Variants in FGF9 observed in about 807,000 individuals in gnomAD.
FGF9 encodes fibroblast growth factor 9 (glia-activating factor).
Under a neutral mutation model 19.9 loss-of-function variants are expected in FGF9, and 3 were observed. The observed-to-expected ratio is 0.15, with a 90% CI of 0.07 to 0.39. The LOEUF (loss-of-function observed/expected upper bound fraction) is 0.39, where lower values mean the gene tolerates loss of function less well. Ranked by LOEUF, FGF9 falls within the 10% of genes least tolerant of loss-of-function variation. FGF9 has a pLI of 1.00. For synonymous variants in FGF9, 107 were observed against 106.9 expected (o/e 1.00, Z -0.01); for missense variants, 175 against 256.8 (o/e 0.68, Z 2.18).
At chr13:21,679,135 T>C (rs140119371) in intron 1 of FGF9, among the ~76,000 whole-genome samples, 75 of 152,354 alleles carry the variant, frequency 4.9e-4, no homozygotes, top group Admixed American at 1.4e-3. Context: ...TTCTCCATCA[T>C]AGAGTCATAG....
chr13:21,700,232 G>T (rs559214749), intron 2 of FGF9, among the ~76,000 whole-genome samples: 2 of 152,178 alleles, frequency 1.3e-5, no homozygotes, highest in East Asian at 1.9e-4. Flanking sequence ...ACCTGAGAAT[G>T]TAGCTTTTTT....
intron 1 of FGF9, among the ~76,000 whole-genome samples, chr13:21,677,791 G>A (rs1871950262): frequency 6.6e-6 from 1 of 152,200 alleles, no homozygotes; most frequent in Non-Finnish European, 1.5e-5. Context: ...AAGGAACTGC[G>A]GAGAAATGGG....
intron 2 of FGF9, among the ~76,000 whole-genome samples, chr13:21,700,787 G>A (rs999753869): frequency 6.6e-6 from 1 of 152,190 alleles, no homozygotes; most frequent in Non-Finnish European, 1.5e-5. Flanking sequence ...ATGTGCAAGA[G>A]TTTAACTAGA....
chr13:21,688,488 C>T lies in FGF9; in HGVS notation c.381+7343C>T, dbSNP rs560623893. Among the ~76,000 whole-genome samples, 10 of 152,302 alleles carry T rather than the reference C, an allele frequency of 6.6e-5. No individual in the cohort carries two copies. The South Asian group carries it at 2.1e-3, about 32-fold the overall frequency. On this transcript the variant is annotated intron_variant, in intron 2 of 2. Transcript: ENST00000382353. ...CTTCTGCTGTATGACTGAGTCCATA[C>T]ATCGTCCTGGTTTTAGAGACGAGGA...
chr13:21,701,212 T>C lies in FGF9; in HGVS notation c.404T>C (p.Val135Ala). The C allele has an allele frequency of 1.2e-6, 2 of 1,613,792 alleles. No homozygotes were observed. The highest frequency in any genetic ancestry group is 1.7e-6 in the Non-Finnish European group (2 of 1,179,824). Residue 135 changes from valine to alanine, a missense_variant, in exon 3 of 3, where the codon GTA becomes GCA. Coordinates refer to ENST00000382353, the MANE Select transcript of FGF9 (RefSeq NM_002010.3). ...CAGGAAAAACTAACCCAAGAGTGTGTATTCAGAGAACAGTTCGAAGAAAAC... is the reference window on the plus strand; with the variant it reads ...CAGGAAAAACTAACCCAAGAGTGTGCATTCAGAGAACAGTTCGAAGAAAAC... Reference protein sequence around the residue: ...YGSEKLTQECVFREQFEENWY... With the variant: ...YGSEKLTQECAFREQFEENWY...
At chr13:21,688,973 C>T (rs568673210) in intron 2 of FGF9, among the ~76,000 whole-genome samples, 27 of 152,206 alleles carry the variant, frequency 1.8e-4, no homozygotes, top group African/African-American at 6.5e-4. Context: ...TGGAGATTTT[C>T]CAGGTTTGGG....
chr13:21,678,175 A>C (rs1421118922), intron 1 of FGF9, among the ~76,000 whole-genome samples: 1 of 152,204 alleles, frequency 6.6e-6, no homozygotes, highest in Non-Finnish European at 1.5e-5. Flanking sequence ...AAGTGAACGA[A>C]TATGAATTAC....
intron 1 of FGF9, among the ~76,000 whole-genome samples, chr13:21,675,589 C>A (rs552851665): frequency 6.6e-6 from 1 of 152,176 alleles, no homozygotes; most frequent in South Asian, 2.1e-4. Flanking sequence ...TCCTCCTCCT[C>A]CGGCAGCAGC....
At chr13:21,675,223 C>T (rs1166723414) in intron 1 of FGF9, among the ~76,000 whole-genome samples, 1 of 151,050 alleles carries the variant, frequency 6.6e-6, no homozygotes, top group Non-Finnish European at 1.5e-5. Context: ...GGTGGCTGTG[C>T]GCAGTGGGGG....
chr13:21,674,210 G>A (rs1187917963), intron 1 of FGF9: 1 of 152,860 alleles, frequency 6.5e-6, no homozygotes, highest in Non-Finnish European at 1.5e-5. Flanking sequence ...GGACGGGCTG[G>A]AGGTCGGACC....
chr13:21,701,040 C>A, intron 2 of FGF9, 150 bp from the exon 3 acceptor site: 1 of 604,206 alleles, frequency 1.7e-6, no homozygotes. Flanking sequence ...ATTTTTAGTT[C>A]TGGGGTACAT....
At chr13:21,674,374 C>T (rs1475798634) in intron 1 of FGF9, among the ~76,000 whole-genome samples, 1 of 100,214 alleles carries the variant, frequency 1.0e-5, no homozygotes, top group Non-Finnish European at 2.1e-5. Flanking sequence ...CAAAGGGCCG[C>T]GGAGGCGGGC....
rs1872457383 is a variant in FGF9, at chr13:21,698,126, T to C, written c.382-3064T>C. Among the ~76,000 whole-genome samples the C allele has an allele frequency of 2.0e-5, 3 of 152,190 alleles. No individual in the cohort carries two copies. In the South Asian group the frequency reaches 6.2e-4, roughly 31 times the overall value. On this transcript the variant is annotated intron_variant, in intron 2 of 2. Transcript: ENST00000382353. ...CCCGGCCCCCACGTAAGACTCTTTTTACTATGCTTAGTGAAAAGTGAAAAG... is the reference window on the plus strand; with the variant it reads ...CCCGGCCCCCACGTAAGACTCTTTTCACTATGCTTAGTGAAAAGTGAAAAG...
chr13:21,681,744 G>A (rs1009615294), intron 2 of FGF9, among the ~76,000 whole-genome samples: 2 of 152,206 alleles, frequency 1.3e-5, no homozygotes, highest in African/African-American at 4.8e-5. Context: ...TCTGCCAGGT[G>A]CCAGACAGGC....
chr13:21,680,095 T>C (rs1472157592), intron 1 of FGF9, among the ~76,000 whole-genome samples: 1 of 152,186 alleles, frequency 6.6e-6, no homozygotes, highest in East Asian at 1.9e-4. Flanking sequence ...AGCTTAGGTG[T>C]TATTCTTAGT....
rs992917385 is a variant in FGF9, at chr13:21,671,654, T to A, written c.-259T>A. On this transcript the variant is annotated 5_prime_UTR_variant, in exon 1 of 3. Coordinates refer to ENST00000382353, the MANE Select transcript of FGF9 (RefSeq NM_002010.3). ...GGATCTATCTATAGAGATACATAGA[T>A]ATGTTTATCAATATGTCAGTGTGTG... 5 of 603,728 alleles carry A rather than the reference T, an allele frequency of 8.3e-6. No homozygotes were observed. The highest frequency in any genetic ancestry group is 1.5e-5 in the Non-Finnish European group (5 of 340,432). 37.4% of individuals were successfully genotyped at this position (603,728 alleles called of 1,614,324 possible). A position where few individuals can be genotyped will look rare whatever the true frequency, so the allele number is the denominator to read the frequency against.
At position 21,701,678 on chromosome 13, in the gene FGF9, G is replaced by A. The variant is rs1161247211; in HGVS notation, c.*243G>A. On this transcript the variant is annotated 3_prime_UTR_variant, in exon 3 of 3. Coordinates refer to ENST00000382353, the MANE Select transcript of FGF9 (RefSeq NM_002010.3). ...TGATTTATCATGAGAGAAGAGGAGA[G>A]AGAGAGAGACTGAGCGCTAGGAGTG... 1.5e-5 allele frequency: 8 copies of A among 519,850 alleles called. No individual in the cohort carries two copies. The highest frequency in any genetic ancestry group is 2.8e-5 in the Non-Finnish European group (8 of 287,502). 32.2% of individuals were successfully genotyped at this position (519,850 alleles called of 1,614,324 possible).
chr13:21,675,106 G>T (rs1159072109), intron 1 of FGF9, among the ~76,000 whole-genome samples: 2 of 151,816 alleles, frequency 1.3e-5, no homozygotes, highest in African/African-American at 4.8e-5. Context: ...GTTGGGGACT[G>T]GGGGCGCCGA....
At position 21,671,571 on chromosome 13, in the gene FGF9, T is replaced by A; in HGVS notation, c.-342T>A. The A allele has an allele frequency of 2.0e-6, 1 of 495,008 alleles. No individual in the cohort carries two copies. Among genetic ancestry groups the A allele is most frequent in the Non-Finnish European group, 3.5e-6 (1 of 282,736 alleles). 30.7% of individuals were successfully genotyped at this position (495,008 alleles called of 1,614,324 possible). A position where few individuals can be genotyped will look rare whatever the true frequency, so the allele number is the denominator to read the frequency against. On this transcript the variant is annotated 5_prime_UTR_variant, in exon 1 of 3. Coordinates refer to ENST00000382353, the MANE Select transcript of FGF9 (RefSeq NM_002010.3). ...TCAAACCAAATGGAGAAACTACGGA[T>A]TTTTTTTCCTTATTACGGTCGGATG...
Sources: gnomAD v4.1 joint callset for allele counts (sites outside exome capture counted in the v4.1 genomes callset) on GRCh38, gnomAD v4.1.1 for gene constraint, MANE v1.5 for transcripts, NCBI Gene and HGNC (gene_info 2026-07-23, HGNC 2026-07-21) for gene names.